The following DENND11 variants were observed in gnomAD, a reference collection of about 807,000 sequenced individuals.
The protein encoded by DENND11 is DENN domain containing 11, also known as DENN domain-containing protein 11.
Under a neutral mutation model 49.2 loss-of-function variants are expected in DENND11, and 34 were observed. The observed-to-expected ratio is 0.69, with a 90% CI of 0.53 to 0.92. The LOEUF is 0.92. Among genes scored for constraint, DENND11 ranks in the 40% least tolerant of loss-of-function variants. The probability of loss-of-function intolerance (pLI) is 0.00; values close to 1 mark genes in which losing one functional copy is unlikely to be tolerated. For synonymous variants in DENND11, 238 were observed against 230.3 expected (o/e 1.03, Z -0.30); for missense variants, 475 against 581.6 (o/e 0.82, Z 1.88).
chr7:141,668,642 A>G (rs1001874894), intron 4 of DENND11, among the ~76,000 whole-genome samples: 1 of 152,208 alleles, frequency 6.6e-6, no homozygotes, highest in African/African-American at 2.4e-5. Context: ...GTGTTCACAT[A>G]CAAAGGCCTG....
intron 4 of DENND11, among the ~76,000 whole-genome samples, chr7:141,671,501 T>C (rs911907838): frequency 2.0e-5 from 3 of 152,134 alleles, no homozygotes; most frequent in African/African-American, 7.2e-5. Flanking sequence ...TGTGCTGACA[T>C]ATTGTTTTGT....
chr7:141,674,230 A>AACACACACACACACACACACACAC lies in DENND11; in HGVS notation c.528-34_528-11dup, dbSNP rs35125206. ...CATCTCCAACTGGTGCCTGCAGAAA[A>AACACACACACACACACACACACAC]ACACACACACACACACACACACACA... On this transcript the variant is annotated splice_polypyrimidine_tract_variant and intron_variant, in intron 3 of 8. Transcript: ENST00000536163. 609 of 1,494,432 alleles carry AACACACACACACACACACACACAC rather than the reference A, an allele frequency of 4.1e-4. 4 individuals carry two copies. In the African/African-American group the frequency reaches 8.0e-3, roughly 20 times the overall value. 92.6% of individuals were successfully genotyped at this position (1,494,432 alleles called of 1,614,324 possible).
Position 141,662,752 on chromosome 7 carries a change from G to A in DENND11, c.1272C>T (p.Gly424=). The A allele has an allele frequency of 1.9e-6, 3 of 1,611,406 alleles. No homozygotes were observed. The highest frequency in any genetic ancestry group is 1.1e-5 in the South Asian group (1 of 90,248). The part of the protein sequence containing the change: ...TLTAEHARGM[G]LDPQGDRSFL... Reference sequence around the variant, plus strand: ...AGCTCCGGTCTCCTTGGGGGTCTAGGCCCATGCCCCGGGCATGCTCTGCTG... The same window carrying A: ...AGCTCCGGTCTCCTTGGGGGTCTAGACCCATGCCCCGGGCATGCTCTGCTG... The change falls in exon 9 of 9, where the codon GGC becomes GGT. Residue 424 remains glycine (G), a synonymous_variant. Transcript: ENST00000536163.
intron 1 of DENND11, 110 bp downstream of exon 1, chr7:141,701,776 G>A (rs1798523962): frequency 4.3e-6 from 4 of 924,698 alleles, no homozygotes; most frequent in Non-Finnish European, 2.7e-6. Flanking sequence ...CTGGTGCGGG[G>A]TGCGGGGCCG....
chr7:141,669,583 A>C (rs1243067921), intron 4 of DENND11, among the ~76,000 whole-genome samples: 1 of 152,030 alleles, frequency 6.6e-6, no homozygotes, highest in African/African-American at 2.4e-5. Context: ...TGTTGTAAAA[A>C]TTCATTGAAT....
chr7:141,690,218 T>A (rs1057121404), intron 1 of DENND11, among the ~76,000 whole-genome samples: 6 of 152,170 alleles, frequency 3.9e-5, no homozygotes, highest in Admixed American at 1.3e-4. Flanking sequence ...GCAGCCACCA[T>A]CCCTTGATCT....
chr7:141,701,443 G>T (rs1231393190), intron 1 of DENND11: 1 of 129,222 alleles, frequency 7.7e-6, no homozygotes, highest in Non-Finnish European at 1.7e-5. Flanking sequence ...CGGGGGACGG[G>T]ATGGGGGGCG....
chr7:141,670,685 G>A (rs538427531), intron 4 of DENND11, among the ~76,000 whole-genome samples: 5 of 152,168 alleles, frequency 3.3e-5, no homozygotes, highest in South Asian at 2.1e-4. Context: ...AATTGCTTCC[G>A]CACCATCATA....
At chr7:141,665,811 G>T (rs143881345) in intron 5 of DENND11, among the ~76,000 whole-genome samples, 1 of 151,804 alleles carries the variant, frequency 6.6e-6, no homozygotes, top group African/African-American at 2.4e-5. Flanking sequence ...CACAGGTCCC[G>T]ACCCAGCTAG....
At chr7:141,696,919 GA>G in intron 1 of DENND11, among the ~76,000 whole-genome samples, 1 of 152,290 alleles carries the variant, frequency 6.6e-6, no homozygotes, top group Non-Finnish European at 1.5e-5. Flanking sequence ...AAAGCAAAGA[GA>G]AAAGCATCAG....
intron 3 of DENND11, among the ~76,000 whole-genome samples, chr7:141,682,869 T>G (rs181405896): frequency 6.6e-6 from 1 of 151,666 alleles, no homozygotes; most frequent in African/African-American, 2.4e-5. Flanking sequence ...ATTAGCTTTT[T>G]AAAAGGAATA....
rs983337804 is a variant in DENND11, at chr7:141,660,885, A to G, written c.*1771T>C. 6.5e-6 allele frequency: 1 copy of G among 152,680 alleles called. No individual in the cohort carries two copies. The highest frequency in any genetic ancestry group is 2.4e-5 in the African/African-American group (1 of 41,462). The allele number at this position is 152,680 out of a possible 1,614,324, so 9.5% of individuals were successfully genotyped here. A position where few individuals can be genotyped will look rare whatever the true frequency, so the allele number is the denominator to read the frequency against. ...ACATACACATTACTGAAATGACAGC[A>G]ACCCACATTGCAGAGGAGAAAAGTC... On this transcript the variant is annotated 3_prime_UTR_variant, in exon 9 of 9. Coordinates refer to ENST00000536163, the MANE Select transcript of DENND11 (RefSeq NM_001080392.2).
At chr7:141,684,090 G>A (rs1798191765) in intron 3 of DENND11, among the ~76,000 whole-genome samples, 1 of 152,042 alleles carries the variant, frequency 6.6e-6, no homozygotes, top group Non-Finnish European at 1.5e-5. Context: ...ACCATGCCTG[G>A]CTAATTTTTT....
Position 141,662,476 on chromosome 7 carries a change from T to C in DENND11, c.*180A>G. 1 of 459,954 alleles carries C rather than the reference T, an allele frequency of 2.2e-6. No individual in the cohort carries two copies. Among genetic ancestry groups the C allele is most frequent in the Non-Finnish European group, 3.8e-6 (1 of 265,480 alleles). 28.5% of individuals were successfully genotyped at this position (459,954 alleles called of 1,614,324 possible). A position where few individuals can be genotyped will look rare whatever the true frequency, so the allele number is the denominator to read the frequency against. Reference sequence around the variant, plus strand: ...ATGGCAGGACACAAAACCAAGGTGATCTCACCTTATCTCTAGGGAAAAGGG... The same window carrying C: ...ATGGCAGGACACAAAACCAAGGTGACCTCACCTTATCTCTAGGGAAAAGGG... On this transcript the variant is annotated 3_prime_UTR_variant, in exon 9 of 9. Coordinates refer to ENST00000536163, the MANE Select transcript of DENND11 (RefSeq NM_001080392.2).
intron 1 of DENND11, 73 bp downstream of exon 1, chr7:141,701,813 C>A: frequency 9.0e-7 from 1 of 1,107,830 alleles, no homozygotes; most frequent in Non-Finnish European, 1.1e-6. Context: ...CGCAGCGAGC[C>A]CCTCCCCCGC....
Position 141,658,724 on chromosome 7 carries a change from A to C in DENND11, c.*3932T>G, listed in dbSNP as rs1797739082. On this transcript the variant is annotated 3_prime_UTR_variant, in exon 9 of 9. Coordinates refer to ENST00000536163, the MANE Select transcript of DENND11 (RefSeq NM_001080392.2). Reference sequence around the variant, plus strand: ...GGGTCTGGAGAAAGCATCTCAATCCATTCCCTGGGCTATACAGTTTCGAAG... The same window carrying C: ...GGGTCTGGAGAAAGCATCTCAATCCCTTCCCTGGGCTATACAGTTTCGAAG... The C allele has an allele frequency of 6.6e-6, 1 of 151,538 alleles. No individual in the cohort carries two copies. The highest frequency in any genetic ancestry group is 1.5e-5 in the Non-Finnish European group (1 of 67,972). The allele number at this position is 151,538 out of a possible 1,614,324, so 9.4% of individuals were successfully genotyped here. A position where few individuals can be genotyped will look rare whatever the true frequency, so the allele number is the denominator to read the frequency against.
intron 8 of DENND11, 128 bp downstream of exon 8, chr7:141,664,044 G>T: frequency 4.0e-6 from 3 of 748,940 alleles, no homozygotes; most frequent in Non-Finnish European, 4.4e-6. Context: ...AAGGAGCCCG[G>T]CTCTAAGTGC....
intron 3 of DENND11, among the ~76,000 whole-genome samples, chr7:141,679,624 A>G (rs1178613256): frequency 1.3e-5 from 2 of 152,122 alleles, no homozygotes; most frequent in African/African-American, 4.8e-5. Context: ...AGGCAGGAGA[A>G]TCGCTTGAAC....
chr7:141,669,461 T>C (rs1010699075), intron 4 of DENND11, among the ~76,000 whole-genome samples: 3 of 139,748 alleles, frequency 2.1e-5, no homozygotes, highest in Non-Finnish European at 3.2e-5. Flanking sequence ...TTGGCTAGGC[T>C]GGTTTTGAAT....
Sources: gnomAD v4.1 joint callset for allele counts (sites outside exome capture counted in the v4.1 genomes callset) on GRCh38, gnomAD v4.1.1 for gene constraint, MANE v1.5 for transcripts, NCBI Gene and HGNC (gene_info 2026-07-23, HGNC 2026-07-21) for gene names.